The following KIAA0586 variants were observed in gnomAD, a reference collection of about 807,000 sequenced individuals.
KIAA0586 encodes protein TALPID3.
KIAA0586 carries 144 observed loss-of-function variants against 169.8 expected under a neutral mutation model. That is an observed-to-expected ratio of 0.85 (90% CI 0.74 to 0.97). The LOEUF (loss-of-function observed/expected upper bound fraction) is 0.97. Among genes scored for constraint, KIAA0586 ranks in the 50% least tolerant of loss-of-function variants. The pLI, the probability that KIAA0586 is intolerant of heterozygous loss-of-function variation, is 0.00. For synonymous variants in KIAA0586, 625 were observed against 612.4 expected, an observed-to-expected ratio of 1.02 and a Z score of -0.30; for missense variants, 1,854 against 1,823.0, an observed-to-expected ratio of 1.02 and a Z score of -0.31.
downstream of KIAA0586, among the ~76,000 whole-genome samples, chr14:58,555,644 T>C (rs547389589): frequency 1.3e-5 from 2 of 152,314 alleles, no homozygotes; most frequent in South Asian, 2.1e-4. Context: ...TTATTTACCA[T>C]GGAGCTTAAT....
chr14:58,547,154 T>C (rs1445850362), intron 30 of KIAA0586, among the ~76,000 whole-genome samples: 1 of 125,210 alleles, frequency 8.0e-6, no homozygotes, highest in Non-Finnish European at 1.7e-5. Context: ...CTTACCTCTT[T>C]TAAAAAAAAA....
At chr14:58,537,353 C>T (rs2046353099) in intron 29 of KIAA0586, 1 of 182,244 alleles carries the variant, frequency 5.5e-6, no homozygotes, top group Non-Finnish European at 1.1e-5. Flanking sequence ...CATTTATGTA[C>T]CCTTCCTTTA....
At chr14:58,555,226 A>G (rs1157011998), downstream of KIAA0586, among the ~76,000 whole-genome samples, 3 of 147,394 alleles carry the variant, frequency 2.0e-5, no homozygotes, top group Non-Finnish European at 4.4e-5. Flanking sequence ...TCAGCCTCCC[A>G]AGTAACTGGG....
chr14:58,487,191 G>A lies in KIAA0586; in HGVS notation c.3304+25G>A, dbSNP rs754292670. 7.0e-6 allele frequency: 11 copies of A among 1,580,204 alleles called. No individual in the cohort carries two copies. In the Admixed American group the frequency reaches 8.9e-5, roughly 13 times the overall value. On this transcript the variant is annotated intron_variant, in intron 22 of 30. Coordinates refer to ENST00000652326, the MANE Select transcript of KIAA0586 (RefSeq NM_001329943.3). Reference sequence around the variant, plus strand: ...GGTAGAAACTTTATTTCTATAACTCGGTTTTAATTTTAGCAACTATTAAAT... The same window carrying A: ...GGTAGAAACTTTATTTCTATAACTCAGTTTTAATTTTAGCAACTATTAAAT...
the KIAA0586 span, among the ~76,000 whole-genome samples, chr14:58,561,926 A>G: frequency 5.9e-5 from 9 of 152,186 alleles, no homozygotes; most frequent in African/African-American, 1.9e-4. Context: ...AGCCGTCAGT[A>G]CCATTTATAT....
intron 4 of KIAA0586, among the ~76,000 whole-genome samples, chr14:58,442,170 C>T (rs1184912191): frequency 1.3e-5 from 2 of 151,612 alleles, no homozygotes; most frequent in Non-Finnish European, 2.9e-5. Context: ...AGTGCAGTGG[C>T]GCAATCCTGG....
intron 22 of KIAA0586, among the ~76,000 whole-genome samples, 164 bp downstream of exon 22, chr14:58,487,330 C>T (rs1395576464): frequency 1.3e-5 from 2 of 152,180 alleles, no homozygotes; most frequent in African/African-American, 4.8e-5. Context: ...TGAGGCCAGG[C>T]AGGCATGGTG....
chr14:58,493,536 A>G (rs1204605757), intron 26 of KIAA0586, among the ~76,000 whole-genome samples: 2 of 152,076 alleles, frequency 1.3e-5, no homozygotes, highest in Non-Finnish European at 2.9e-5. Context: ...AGATCTGAAG[A>G]CTATATAGGG....
At chr14:58,513,302 A>G (rs1025504476) in intron 29 of KIAA0586, among the ~76,000 whole-genome samples, 1 of 152,126 alleles carries the variant, frequency 6.6e-6, no homozygotes, top group Non-Finnish European at 1.5e-5. Flanking sequence ...TTCTGGAAGA[A>G]GTATTAGAAA....
chr14:58,437,966 G>T (rs1440320124), intron 4 of KIAA0586, among the ~76,000 whole-genome samples: 1 of 152,152 alleles, frequency 6.6e-6, no homozygotes, highest in African/African-American at 2.4e-5. Context: ...AGAGATGTAG[G>T]GGGTATGGTG....
intron 18 of KIAA0586, among the ~76,000 whole-genome samples, chr14:58,474,373 A>G (rs2041448914): frequency 6.6e-6 from 1 of 152,236 alleles, no homozygotes; most frequent in Non-Finnish European, 1.5e-5. Context: ...TTGTGATTGC[A>G]TAAAATGAAT....
intron 2 of KIAA0586, 107 bp from the exon 3 acceptor site, chr14:58,430,541 A>G: frequency 1.6e-6 from 1 of 613,110 alleles, no homozygotes. Context: ...TGAAATACAC[A>G]GTCCTGCCCT....
At chr14:58,490,344 C>T in intron 25 of KIAA0586, 104 bp downstream of exon 25, 1 of 501,720 alleles carries the variant, frequency 2.0e-6, no homozygotes, top group Non-Finnish European at 3.5e-6. Context: ...GTTATAGACA[C>T]AAAATTTAGT....
chr14:58,499,070 G>T, intron 27 of KIAA0586, 110 bp downstream of exon 27: 2 of 934,172 alleles, frequency 2.1e-6, no homozygotes. Flanking sequence ...TTTATTAAAA[G>T]GGATTTTAAT....
At chr14:58,487,357 C>G (rs2042529280) in intron 22 of KIAA0586, among the ~76,000 whole-genome samples, 191 bp downstream of exon 22, 1 of 152,112 alleles carries the variant, frequency 6.6e-6, no homozygotes, top group Non-Finnish European at 1.5e-5. Context: ...GCCTGTAATC[C>G]CAGCACTTTG....
At chr14:58,521,809 A>G in intron 29 of KIAA0586, 1 of 823,464 alleles carries the variant, frequency 1.2e-6, no homozygotes, top group Non-Finnish European at 2.2e-6. Context: ...ATGAAGAAAG[A>G]TGAGACTAAT....
Position 58,512,585 on chromosome 14 carries a change from C to A in KIAA0586, c.4387C>A (p.Arg1463Ser), listed in dbSNP as rs966440903. Residue 1463 changes from arginine (R) to serine (S), a missense_variant, in exon 29 of 31, where the codon CGT becomes AGT. Physicochemically the swap from Arg to Ser is moderately radical, Grantham distance 110. Transcript: ENST00000652326. ...VEHKPSQSYL[R>S]VRNKSDIAPS... ...ACACAAACCATCACAAAGTTACCTA[C>A]GTGTTAGAAATAAATCTGATATTGC... The A allele has an allele frequency of 6.5e-7, 1 of 1,540,572 alleles. No homozygotes were observed. Among genetic ancestry groups the A allele is most frequent in the Non-Finnish European group, 8.7e-7 (1 of 1,151,692 alleles).
rs1311505407 is a variant in KIAA0586 at position 58,512,560 on chromosome 14, A to G, written c.4362A>G (p.Glu1454=). Residue 1454 remains glutamate, a synonymous_variant, in exon 29 of 31, where the codon GAA becomes GAG. Coordinates refer to ENST00000652326, the MANE Select transcript of KIAA0586 (RefSeq NM_001329943.3). ...LKQNQDVKQV[E]HKPSQSYLRV... The stretch of plus-strand genomic sequence containing the variant: ...AAAATCAGGATGTTAAGCAAGTTGA[A>G]CACAAACCATCACAAAGTTACCTAC... 2 of 1,547,984 alleles carry G rather than the reference A, an allele frequency of 1.3e-6. No individual in the cohort carries two copies. Among genetic ancestry groups the G allele is most frequent in the Non-Finnish European group, 1.7e-6 (2 of 1,154,888 alleles).
chr14:58,488,951 GT>G, intron 24 of KIAA0586, 77 bp downstream of exon 24: 1 of 1,427,548 alleles, frequency 7.0e-7, no homozygotes, highest in Non-Finnish European at 9.6e-7. Context: ...TATTTAAAGT[GT>G]TTTTACTTAA....
Sources: allele counts gnomAD v4.1 joint callset (sites outside exome capture counted in the v4.1 genomes callset), GRCh38; gene constraint gnomAD v4.1.1; transcripts MANE v1.5; gene names NCBI Gene and HGNC (gene_info 2026-07-23, HGNC 2026-07-21).